CHSY3: variants seen among roughly 807,000 people sequenced by gnomAD.
CHSY3 encodes chondroitin sulfate synthase 3, also known as N-acetylgalactosaminyl-proteoglycan 3-beta-glucuronosyltransferase 3.
In CHSY3, 35 loss-of-function variants were observed where a neutral mutation model predicts 67.2. That is an observed-to-expected ratio of 0.52 (90% CI 0.40 to 0.69). CHSY3 has a LOEUF of 0.69. CHSY3 is among the 30% of genes least tolerant of loss of function. The probability of loss-of-function intolerance (pLI) is 0.00; values close to 1 mark genes in which losing one functional copy is unlikely to be tolerated. For synonymous variants in CHSY3, 474 were observed against 434.7 expected (o/e 1.09, Z -1.12); for missense variants, 1,069 against 1,138.5 (o/e 0.94, Z 0.88).
intron 2 of CHSY3, among the ~76,000 whole-genome samples, chr5:130,130,378 A>G (rs1768442500): frequency 6.6e-6 from 1 of 152,162 alleles, no homozygotes; most frequent in African/African-American, 2.4e-5. Flanking sequence ...TCTATGGTGT[A>G]TATCTGGAAT....
intron 2 of CHSY3, among the ~76,000 whole-genome samples, chr5:130,175,798 C>T (rs191969243): frequency 3.9e-4 from 59 of 152,190 alleles, no homozygotes; most frequent in African/African-American, 1.3e-3. Context: ...AAACTGGCTA[C>T]CCATATGCAG....
At chr5:130,175,192 A>G (rs1352758465) in intron 2 of CHSY3, among the ~76,000 whole-genome samples, 1 of 151,982 alleles carries the variant, frequency 6.6e-6, no homozygotes, top group African/African-American at 2.4e-5. Flanking sequence ...AAAAATCACA[A>G]GCATTTCTAT....
chr5:130,185,280 T>C lies in CHSY3; in HGVS notation c.2138T>C (p.Leu713Ser). The change falls in exon 3 of 3, where the codon TTG becomes TCG. Residue 713 changes from leucine to serine, a missense_variant. By Grantham distance (145) the Leu-to-Ser change is moderately radical. Around this residue, in one of 5 missense-constraint regions of CHSY3, gnomAD observed 401 missense variants for 395.2 expected, o/e 1.01. Coordinates refer to ENST00000305031, the MANE Select transcript of CHSY3 (RefSeq NM_175856.5). The part of the protein sequence containing the change: ...MASAQFDNDT[L>S]LLFCDVDLIF... ...TCTGCCCAGTTTGACAATGACACTT[T>C]GCTGCTATTTTGTGATGTTGACTTG... 1.2e-6 allele frequency: 2 copies of C among 1,610,754 alleles called. No individual in the cohort carries two copies. The highest frequency in any genetic ancestry group is 1.7e-6 in the Non-Finnish European group (2 of 1,177,044).
chr5:130,144,185 A>G (rs746982018), intron 2 of CHSY3, among the ~76,000 whole-genome samples: 4 of 151,992 alleles, frequency 2.6e-5, no homozygotes, highest in Non-Finnish European at 4.4e-5. Context: ...AAAACATCTA[A>G]TGACTTTTGA....
chr5:129,977,928 A>G (rs1001818144), intron 2 of CHSY3, among the ~76,000 whole-genome samples: 15 of 152,054 alleles, frequency 9.9e-5, no homozygotes, highest in Admixed American at 6.5e-4. Context: ...TAAATCATAG[A>G]TGGATTTCTG....
intron 2 of CHSY3, among the ~76,000 whole-genome samples, chr5:130,064,442 C>T (rs1302159770): frequency 6.6e-6 from 1 of 152,106 alleles, no homozygotes; most frequent in African/African-American, 2.4e-5. Context: ...CTTCACTGCC[C>T]ATCCTTTTTG....
intron 2 of CHSY3, among the ~76,000 whole-genome samples, chr5:129,995,051 A>G (rs895148185): frequency 8.5e-5 from 13 of 152,196 alleles, no homozygotes; most frequent in Non-Finnish European, 1.8e-4. Flanking sequence ...GTATAAAAAA[A>G]AATTTAGACT....
intron 2 of CHSY3, among the ~76,000 whole-genome samples, chr5:130,041,154 C>T (rs1488001742): frequency 6.6e-6 from 1 of 152,006 alleles, no homozygotes; most frequent in East Asian, 1.9e-4. Context: ...GTCTTACCCC[C>T]CAAAAAAGTT....
At chr5:129,963,048 G>T (rs912846223) in intron 2 of CHSY3, among the ~76,000 whole-genome samples, 3 of 151,864 alleles carry the variant, frequency 2.0e-5, no homozygotes, top group Non-Finnish European at 4.4e-5. Flanking sequence ...AGCTCCAGTG[G>T]TAAAGCCGGA....
chr5:129,994,918 G>A, intron 2 of CHSY3, among the ~76,000 whole-genome samples: 1 of 151,510 alleles, frequency 6.6e-6, no homozygotes. Context: ...GATGGGGGAG[G>A]GATAGCATTA....
intron 2 of CHSY3, among the ~76,000 whole-genome samples, chr5:130,127,445 A>G (rs1409468730): frequency 6.6e-6 from 1 of 150,498 alleles, no homozygotes. Context: ...TCTGGGTTGC[A>G]TCCTGGGTCT....
rs147047344 is a variant in CHSY3 at position 130,184,374 on chromosome 5, G to A, written c.1232G>A (p.Ser411Asn). Residue 411 changes from serine (S) to asparagine (N), a missense_variant, in exon 3 of 3, where the codon AGC becomes AAC. This residue lies in a region of CHSY3 where 401 missense variants were observed against 395.2 expected (regional missense o/e 1.01). Coordinates refer to ENST00000305031, the MANE Select transcript of CHSY3 (RefSeq NM_175856.5). ...TACAGGCTGCATAATTACATGCTCAGCCGCAAAATTTCTGAACTTCGCTAC... is the reference window on the plus strand; with the variant it reads ...TACAGGCTGCATAATTACATGCTCAACCGCAAAATTTCTGAACTTCGCTAC... ...YQYRLHNYML[S>N]RKISELRYRT... The A allele has an allele frequency of 1.2e-6, 2 of 1,613,984 alleles. No homozygotes were observed. The highest frequency in any genetic ancestry group is 1.3e-5 in the African/African-American group (1 of 74,908).
intron 2 of CHSY3, among the ~76,000 whole-genome samples, chr5:129,979,330 G>GT (rs1382044560): frequency 6.6e-6 from 1 of 151,526 alleles, no homozygotes; most frequent in African/African-American, 2.4e-5. Flanking sequence ...AAATTGTGAG[G>GT]TTTAAAAAAC....
intron 2 of CHSY3, among the ~76,000 whole-genome samples, chr5:130,079,033 GATT>G (rs1766364680): frequency 6.6e-6 from 1 of 152,134 alleles, no homozygotes; most frequent in Non-Finnish European, 1.5e-5. Context: ...GGATTGATGA[GATT>G]ATATTTGTGA....
chr5:129,981,152 C>T (rs993640347), intron 2 of CHSY3, among the ~76,000 whole-genome samples: 1 of 151,004 alleles, frequency 6.6e-6, no homozygotes, highest in South Asian at 2.1e-4. Context: ...ACCCGGGGGG[C>T]GGAGCTTGCA....
intron 2 of CHSY3, among the ~76,000 whole-genome samples, chr5:130,092,223 G>C (rs1014418905): frequency 2.6e-5 from 4 of 152,146 alleles, no homozygotes; most frequent in Non-Finnish European, 5.9e-5. Flanking sequence ...AATTCCTCAT[G>C]TGTGACATGG....
At chr5:130,150,448 T>C (rs572879630) in intron 2 of CHSY3, among the ~76,000 whole-genome samples, 11 of 152,270 alleles carry the variant, frequency 7.2e-5, no homozygotes, top group African/African-American at 2.6e-4. Flanking sequence ...TATTTATTAC[T>C]TTAAAATGAA....
intron 2 of CHSY3, among the ~76,000 whole-genome samples, chr5:129,944,697 A>G (rs994562380): frequency 6.6e-6 from 1 of 152,190 alleles, no homozygotes; most frequent in Non-Finnish European, 1.5e-5. Flanking sequence ...TAATTTTTAG[A>G]TTAATATATT....
chr5:130,155,060 G>A (rs1203484911), intron 2 of CHSY3, among the ~76,000 whole-genome samples: 1 of 152,186 alleles, frequency 6.6e-6, no homozygotes, highest in East Asian at 1.9e-4. Context: ...ATTTGGTATT[G>A]GTTAAGTGGT....
Sources: allele counts gnomAD v4.1 joint callset (sites outside exome capture counted in the v4.1 genomes callset), GRCh38; gene constraint gnomAD v4.1.1; regional missense constraint gnomAD v4.1.1; transcripts MANE v1.5; gene names NCBI Gene and HGNC (gene_info 2026-07-23, HGNC 2026-07-21).